The following ARL10 variants were observed in gnomAD, a reference collection of about 807,000 sequenced individuals.
ARL10 encodes ADP-ribosylation factor-like protein 10.
In ARL10, 23 loss-of-function variants were observed where a neutral mutation model predicts 26.1. The ratio of observed to expected loss-of-function variants is 0.88; its 90% CI spans 0.63 to 1.25. The LOEUF (loss-of-function observed/expected upper bound fraction) is 1.25, where lower values mean the gene tolerates loss of function less well. ARL10 is among the 50% of genes most tolerant of loss of function. ARL10 has a pLI of 0.00. For synonymous variants in ARL10, 138 were observed against 149.1 expected (o/e 0.93, Z 0.54); for missense variants, 300 against 323.6 (o/e 0.93, Z 0.56).
chr5:176,386,669 T>A (rs1329536083), downstream of ARL10: 1 of 712,464 alleles, frequency 1.4e-6, no homozygotes, highest in South Asian at 1.5e-5. Context: ...GTCAGTACAA[T>A]GAAAAATGAG....
rs995485225 is a variant in ARL10 at position 176,373,469 on chromosome 5, G to A, written c.*1574G>A. On this transcript the variant is annotated 3_prime_UTR_variant, in exon 4 of 4. Coordinates refer to ENST00000310389, the MANE Select transcript of ARL10 (RefSeq NM_173664.6). ...GTGCACCTCAATTTGCTGTCTAGTT[G>A]AGAATAGAGATTGTGTGCCTTCATT... 6.3e-6 allele frequency: 1 copy of A among 159,430 alleles called. No individual in the cohort carries two copies. The highest frequency in any genetic ancestry group is 1.4e-5 in the Non-Finnish European group (1 of 73,186). The allele number at this position is 159,430 out of a possible 1,614,324, so 9.9% of individuals were successfully genotyped here. A position where few individuals can be genotyped will look rare whatever the true frequency, so the allele number is the denominator to read the frequency against.
downstream of ARL10, chr5:176,381,980 C>G (rs1407767418): frequency 1.3e-5 from 2 of 152,216 alleles, no homozygotes; most frequent in Non-Finnish European, 2.9e-5. Context: ...CACTGAAGAT[C>G]CAGAGTGTCA....
downstream of ARL10, among the ~76,000 whole-genome samples, chr5:176,390,738 C>T (rs376763828): frequency 1.4e-4 from 21 of 152,308 alleles, no homozygotes; most frequent in South Asian, 8.3e-4. Flanking sequence ...TGAGCCACCA[C>T]GCCCAGCCTA....
chr5:176,388,390 C>T, exon 2 of ARL10: 1 of 1,612,664 alleles, frequency 6.2e-7, no homozygotes, highest in Non-Finnish European at 8.5e-7. Flanking sequence ...CGCGGACCGT[C>T]CCGGCCGAGG....
rs998337921 is a variant in ARL10 at position 176,374,942 on chromosome 5, C to G, written c.*3047C>G. On this transcript the variant is annotated 3_prime_UTR_variant, in exon 4 of 4. Transcript: ENST00000310389. Reference sequence around the variant, plus strand: ...GCCACCACCGCCTTTTGAAGCTCTCCATAGTAGTAGAATCAGGAAAGATAA... The same window carrying G: ...GCCACCACCGCCTTTTGAAGCTCTCGATAGTAGTAGAATCAGGAAAGATAA... The G allele has an allele frequency of 6.6e-6, 1 of 152,208 alleles. No homozygotes were observed. Among genetic ancestry groups the G allele is most frequent in the Non-Finnish European group, 1.5e-5 (1 of 68,050 alleles). 9.4% of individuals were successfully genotyped at this position (152,208 alleles called of 1,614,324 possible).
downstream of ARL10, chr5:176,389,321 C>T: frequency 1.2e-6 from 2 of 1,610,430 alleles, no homozygotes. Flanking sequence ...TTGCTTTGTC[C>T]CCTCCTCAGG....
Position 176,366,398 on chromosome 5 carries a change from G to T in ARL10, c.202G>T (p.Glu68Ter). 1 of 1,610,380 alleles carries T rather than the reference G, an allele frequency of 6.2e-7. No individual in the cohort carries two copies. The highest frequency in any genetic ancestry group is 8.5e-7 in the Non-Finnish European group (1 of 1,179,476). The change falls in exon 2 of 4, where the codon GAG becomes TAG. Residue 68 changes from glutamate (E) to a stop codon, truncating the protein, a stop_gained. Transcript: ENST00000310389. LOFTEE classifies it high-confidence loss of function. ...DEWDPEDEED[E>*]EPALEELEQR... ...CCCGCAGCCCGAGGACGAGGAGGAC[G>T]AGGAGCCGGCGCTGGAGGAGCTGGA...
chr5:176,385,590 TG>T (rs1361311869), downstream of ARL10, among the ~76,000 whole-genome samples: 7 of 152,162 alleles, frequency 4.6e-5, no homozygotes, highest in African/African-American at 1.7e-4. Context: ...GGGCCTCAGG[TG>T]GATTTACAAG....
the ARL10 span, among the ~76,000 whole-genome samples, chr5:176,408,160 G>A: frequency 6.6e-6 from 1 of 152,114 alleles, no homozygotes; most frequent in African/African-American, 2.4e-5. Context: ...GTATGCAAGG[G>A]GAAGAGAGTT....
chr5:176,369,633 T>A (rs1247483322), intron 3 of ARL10, among the ~76,000 whole-genome samples: 1 of 152,194 alleles, frequency 6.6e-6, no homozygotes, highest in African/African-American at 2.4e-5. Context: ...GCTAGTCTTA[T>A]AATCTTTCCA....
At chr5:176,385,408 C>T (rs1480421515), downstream of ARL10, 4 of 841,266 alleles carry the variant, frequency 4.8e-6, no homozygotes, top group African/African-American at 1.7e-5. Flanking sequence ...CACCCCTTCA[C>T]CCACTCCCAA....
Position 176,396,607 on chromosome 5 carries a change from A to T in ARL10, c.134-5134A>T. ...AAGACAGACAGGCAGGCAGAAGGTTAGAGAGAGAGAGAGAGACAGCATTAG... is the reference window on the plus strand; with the variant it reads ...AAGACAGACAGGCAGGCAGAAGGTTTGAGAGAGAGAGAGAGACAGCATTAG... On this transcript the variant is annotated intron_variant, in intron 1 of 1. Coordinates refer to the ARL10 transcript ENST00000514533. 7.7e-6 allele frequency: 3 copies of T among 390,356 alleles called. No homozygotes were observed. In the South Asian group the frequency reaches 1.4e-4, roughly 18 times the overall value. The allele number at this position is 390,356 out of a possible 1,614,324, so 24.2% of individuals were successfully genotyped here. A position where few individuals can be genotyped will look rare whatever the true frequency, so the allele number is the denominator to read the frequency against.
chr5:176,397,533 C>T (rs1756596060), intron 1 of ARL10: 2 of 565,594 alleles, frequency 3.5e-6, no homozygotes, highest in African/African-American at 4.9e-5. Flanking sequence ...CCCTCATGTC[C>T]CCACGGCCCC....
At chr5:176,414,937 G>A in the ARL10 span, among the ~76,000 whole-genome samples, 2 of 152,194 alleles carry the variant, frequency 1.3e-5, no homozygotes, top group African/African-American at 4.8e-5. Context: ...AAACATGACT[G>A]TGAAGAGCCT....
chr5:176,393,777 T>C lies in ARL10; in HGVS notation c.134-7964T>C, dbSNP rs1353083086. The stretch of plus-strand genomic sequence containing the variant: ...ACAGAAGCCACTGACTAAGGGACAG[T>C]GGGGAAACAAGTAAATACAGTCTAG... On this transcript the variant is annotated intron_variant, in intron 1 of 1. Transcript: ENST00000514533. The surrounding 1 kb of genome is among the most constrained non-coding windows in gnomAD (Gnocchi z 4.4). Among the ~76,000 whole-genome samples, 1 of 152,062 alleles carries C rather than the reference T, an allele frequency of 6.6e-6. No homozygotes were observed. Among genetic ancestry groups the C allele is most frequent in the African/African-American group, 2.4e-5 (1 of 41,382 alleles).
chr5:176,389,087 G>C (rs1319400891), downstream of ARL10: 1 of 1,385,812 alleles, frequency 7.2e-7, no homozygotes, highest in Non-Finnish European at 9.9e-7. Context: ...CTAGAGAAGA[G>C]ACGAGGGGGC....
At chr5:176,371,470 G>C (rs1055562096) in intron 3 of ARL10, among the ~76,000 whole-genome samples, 1 of 152,208 alleles carries the variant, frequency 6.6e-6, no homozygotes, top group Non-Finnish European at 1.5e-5. Context: ...AGGCCAAGGG[G>C]TCCAGAGGCT....
At chr5:176,410,228 T>C in the ARL10 span, 14 of 1,609,860 alleles carry the variant, frequency 8.7e-6, no homozygotes, top group Non-Finnish European at 1.0e-5. Context: ...TGTTGGTCCT[T>C]ACCACTGCTG....
rs1425613308 is a variant in ARL10, at chr5:176,368,350, T to C, written c.386-457T>C. 6.6e-6 allele frequency among the ~76,000 whole-genome samples: 1 copy of C among 152,164 alleles called. No individual in the cohort carries two copies. Among genetic ancestry groups the C allele is most frequent in the Non-Finnish European group, 1.5e-5 (1 of 68,034 alleles). On this transcript the variant is annotated intron_variant, in intron 2 of 3. Transcript: ENST00000310389. The surrounding 1 kb of genome is among the most constrained non-coding windows in gnomAD (Gnocchi z 4.1). ...CTGTCACAGCCATCACTGACAGTTT[T>C]GAACCTGTAGGAGAAAGCTAGGAAT...
Sources: gnomAD v4.1 joint callset for allele counts (sites outside exome capture counted in the v4.1 genomes callset) on GRCh38, gnomAD v4.1.1 for gene constraint, Gnocchi (gnomAD v3.1) non-coding constraint, MANE v1.5 for transcripts, NCBI Gene and HGNC (gene_info 2026-07-23, HGNC 2026-07-21) for gene names.